The following NOL4 variants were observed in gnomAD, a reference collection of about 807,000 sequenced individuals.
NOL4 encodes cancer/testis antigen 125.
In NOL4, 17 loss-of-function variants were observed where a neutral mutation model predicts 75.9. The ratio of observed to expected loss-of-function variants is 0.22; its 90% confidence interval spans 0.15 to 0.34. NOL4 has a LOEUF of 0.34. NOL4 is among the 10% of genes least tolerant of loss of function. The pLI is 1.00. For synonymous variants in NOL4, 292 were observed against 289.9 expected (o/e 1.01, Z -0.07); for missense variants, 614 against 793.5 (o/e 0.77, Z 2.72).
intron 10 of NOL4, among the ~76,000 whole-genome samples, chr18:33,868,705 G>T (rs2063551539): frequency 1.3e-5 from 2 of 149,568 alleles, no homozygotes; most frequent in Non-Finnish European, 3.0e-5. Flanking sequence ...TTATCCCAGA[G>T]TGATTAAATT....
At chr18:33,879,950 A>C (rs2064159186) in intron 10 of NOL4, among the ~76,000 whole-genome samples, 1 of 151,828 alleles carries the variant, frequency 6.6e-6, no homozygotes, top group African/African-American at 2.4e-5. Flanking sequence ...GTCAAATTCC[A>C]CTCTAACTTT....
chr18:34,178,847 T>G (rs931979211), intron 1 of NOL4, among the ~76,000 whole-genome samples: 1 of 151,646 alleles, frequency 6.6e-6, no homozygotes, highest in African/African-American at 2.4e-5. Flanking sequence ...CCAACCTGTT[T>G]GGACAGCTAC....
chr18:33,861,197 T>G (rs1454408487), intron 10 of NOL4, among the ~76,000 whole-genome samples: 1 of 152,204 alleles, frequency 6.6e-6, no homozygotes, highest in Non-Finnish European at 1.5e-5. Flanking sequence ...TGGAATAGTT[T>G]CAGAAGGAAT....
chr18:34,079,651 A>T (rs937042382), intron 5 of NOL4, among the ~76,000 whole-genome samples: 1 of 150,764 alleles, frequency 6.6e-6, no homozygotes, highest in Non-Finnish European at 1.5e-5. Context: ...ATCACATCTT[A>T]TTTCTCCAAA....
At chr18:33,971,526 G>A (rs2071060139) in intron 6 of NOL4, among the ~76,000 whole-genome samples, 1 of 152,168 alleles carries the variant, frequency 6.6e-6, no homozygotes, top group South Asian at 2.1e-4. Flanking sequence ...TTTTTGTAGA[G>A]GGGTCATATT....
At chr18:33,930,018 C>T (rs919839433) in intron 9 of NOL4, among the ~76,000 whole-genome samples, 4 of 151,946 alleles carry the variant, frequency 2.6e-5, no homozygotes, top group African/African-American at 9.7e-5. Flanking sequence ...TTACATGTAC[C>T]AACAGAATTC....
Position 34,198,327 on chromosome 18 carries a change from C to T in NOL4, c.264+24663G>A, listed in dbSNP as rs538567281. 3.9e-5 allele frequency among the ~76,000 whole-genome samples: 6 copies of T among 151,900 alleles called. 1 individual carries two copies. The South Asian group carries it at 8.3e-4, about 21-fold the overall frequency. ...TTGATTTCCAATCCTCCTCACCCTC[C>T]ATAAAGAGAAACACTAAAAGTGACA... On this transcript the variant is annotated intron_variant, in intron 1 of 10. Transcript: ENST00000261592.
At chr18:34,065,809 A>G (rs2077251109) in intron 5 of NOL4, among the ~76,000 whole-genome samples, 1 of 151,984 alleles carries the variant, frequency 6.6e-6, no homozygotes, top group Admixed American at 6.6e-5. Context: ...TTGATAAGAG[A>G]TTAAATGCTA....
intron 9 of NOL4, among the ~76,000 whole-genome samples, chr18:33,887,590 C>T (rs563165223): frequency 4.0e-5 from 6 of 151,828 alleles, no homozygotes; most frequent in East Asian, 3.9e-4. Flanking sequence ...CCCTGACAGG[C>T]GCCAGTGTGT....
chr18:34,220,221 C>T (rs756170971), intron 1 of NOL4, among the ~76,000 whole-genome samples: 3 of 152,154 alleles, frequency 2.0e-5, no homozygotes, highest in Non-Finnish European at 4.4e-5. Flanking sequence ...CAGGTGCCAT[C>T]AGTCTCTCTT....
intron 10 of NOL4, among the ~76,000 whole-genome samples, chr18:33,859,625 A>G (rs187055789): frequency 6.6e-6 from 1 of 152,244 alleles, no homozygotes; most frequent in African/African-American, 2.4e-5. Context: ...TTATACTGCT[A>G]TAAATACCAG....
intron 9 of NOL4, among the ~76,000 whole-genome samples, chr18:33,920,409 G>T (rs1203534458): frequency 6.6e-6 from 1 of 152,162 alleles, no homozygotes; most frequent in East Asian, 1.9e-4. Context: ...TTTAAATTAT[G>T]TGCCTTCAAT....
intron 5 of NOL4, among the ~76,000 whole-genome samples, chr18:34,036,025 C>T (rs2075877743): frequency 6.6e-6 from 1 of 152,066 alleles, no homozygotes; most frequent in African/African-American, 2.4e-5. Context: ...GATAAATTCA[C>T]TAATGAATTC....
At chr18:34,054,120 G>C (rs1252128472) in intron 5 of NOL4, among the ~76,000 whole-genome samples, 1 of 151,934 alleles carries the variant, frequency 6.6e-6, no homozygotes, top group Non-Finnish European at 1.5e-5. Context: ...GTTAAGACTT[G>C]TTTTGTACCC....
chr18:34,086,493 C>T (rs1468602985), intron 5 of NOL4, among the ~76,000 whole-genome samples: 2 of 152,104 alleles, frequency 1.3e-5, no homozygotes, highest in African/African-American at 4.8e-5. Context: ...AAGTTAACCA[C>T]TGAATTTAAT....
intron 6 of NOL4, among the ~76,000 whole-genome samples, chr18:33,997,294 C>T (rs2146188274): frequency 6.6e-6 from 1 of 151,924 alleles, no homozygotes; most frequent in Non-Finnish European, 1.5e-5. Context: ...TTTTGCATAT[C>T]AACAGCCAAT....
intron 5 of NOL4, among the ~76,000 whole-genome samples, chr18:34,027,031 G>T (rs1053419729): frequency 6.6e-6 from 1 of 152,138 alleles, no homozygotes; most frequent in African/African-American, 2.4e-5. Context: ...AGATTTATGA[G>T]GAATTAATGG....
rs185874158 is a variant in NOL4 at position 33,870,506 on chromosome 18, G to A, written c.1723+12738C>T. Among the ~76,000 whole-genome samples, 307 of 152,078 alleles carry A rather than the reference G, an allele frequency of 2.0e-3. 3 individuals are homozygous for A. Among genetic ancestry groups the A allele is most frequent in the Admixed American group, 0.019 (286 of 15,236 alleles). ...TTTTACAAGAAACAGAAGAAATCAT[G>A]GGAGCAGACCACAGATGGACAGAGT... On this transcript the variant is annotated intron_variant, in intron 10 of 10. Coordinates refer to ENST00000261592, the MANE Select transcript of NOL4 (RefSeq NM_003787.5).
At chr18:33,893,554 A>G (rs997478992) in intron 9 of NOL4, among the ~76,000 whole-genome samples, 2 of 152,212 alleles carry the variant, frequency 1.3e-5, no homozygotes, top group Non-Finnish European at 2.9e-5. Flanking sequence ...AAAATTGCAT[A>G]TAAAATGTTT....
Sources: gnomAD v4.1 joint callset for allele counts (sites outside exome capture counted in the v4.1 genomes callset) on GRCh38, gnomAD v4.1.1 for gene constraint, MANE v1.5 for transcripts, NCBI Gene and HGNC (gene_info 2026-07-23, HGNC 2026-07-21) for gene names.